The following PTPRK variants were observed in gnomAD, a reference collection of about 807,000 sequenced individuals.
PTPRK encodes the protein protein tyrosine phosphatase receptor type K.
PTPRK carries 75 observed loss-of-function variants against 178.0 expected under a neutral mutation model. That is an observed-to-expected ratio of 0.42 (90% CI 0.35 to 0.51). The LOEUF is 0.51. PTPRK is among the 20% of genes least tolerant of loss of function. The pLI is 0.02. For synonymous variants in PTPRK, 637 were observed against 620.6 expected (o/e 1.03, Z -0.39); for missense variants, 1,441 against 1,797.8 (o/e 0.80, Z 3.59).
chr6:128,185,879 G>C (rs1802673341), intron 6 of PTPRK, among the ~76,000 whole-genome samples: 1 of 152,014 alleles, frequency 6.6e-6, no homozygotes, highest in Non-Finnish European at 1.5e-5. Context: ...TGCAAATAAG[G>C]CCTGTAGACA....
chr6:128,435,106 A>AAGGAAGGAAGGAAGGC (rs1562515811), intron 1 of PTPRK, among the ~76,000 whole-genome samples: 1 of 64,618 alleles, frequency 1.5e-5, no homozygotes, highest in Non-Finnish European at 2.9e-5. Flanking sequence ...GGAAGGAAGG[A>AAGGAAGGAAGGAAGGC]AGGCAGGAAG....
chr6:127,968,912 T>G lies in PTPRK; in HGVS notation c.*1315A>C, dbSNP rs1320241306. 6.6e-6 allele frequency: 1 copy of G among 152,244 alleles called. No individual in the cohort carries two copies. The highest frequency in any genetic ancestry group is 1.5e-5 in the Non-Finnish European group (1 of 68,036). 9.4% of individuals were successfully genotyped at this position (152,244 alleles called of 1,614,324 possible). A position where few individuals can be genotyped will look rare whatever the true frequency, so the allele number is the denominator to read the frequency against. On this transcript the variant is annotated 3_prime_UTR_variant, in exon 30 of 30. Transcript: ENST00000368226. ...TCAATTACAAACTGCAAGCTGATGA[T>G]GTGAAGTTACAGCTACGTGGAGCAT...
intron 2 of PTPRK, among the ~76,000 whole-genome samples, chr6:128,339,696 G>A (rs915565260): frequency 6.6e-6 from 1 of 152,164 alleles, no homozygotes; most frequent in East Asian, 1.9e-4. Flanking sequence ...CTGTACCTAA[G>A]AAAATGAACA....
intron 2 of PTPRK, among the ~76,000 whole-genome samples, chr6:128,324,383 T>C (rs1233918673): frequency 1.3e-5 from 2 of 152,104 alleles, no homozygotes; most frequent in African/African-American, 2.4e-5. Context: ...TTATATAGCA[T>C]AATATTTACT....
chr6:128,154,727 A>G (rs955613841), intron 7 of PTPRK, among the ~76,000 whole-genome samples: 1 of 151,804 alleles, frequency 6.6e-6, no homozygotes, highest in African/African-American at 2.4e-5. Flanking sequence ...ATGATAACCC[A>G]ATTTCCAGCT....
At chr6:128,419,493 T>C (rs1189107336) in intron 1 of PTPRK, among the ~76,000 whole-genome samples, 1 of 151,754 alleles carries the variant, frequency 6.6e-6, no homozygotes, top group Non-Finnish European at 1.5e-5. Context: ...CGGGCACCTG[T>C]AGTCCCAGCT....
intron 7 of PTPRK, among the ~76,000 whole-genome samples, chr6:128,180,795 G>C (rs1467506817): frequency 6.6e-6 from 1 of 152,038 alleles, no homozygotes; most frequent in African/African-American, 2.4e-5. Flanking sequence ...TAGCCATGCA[G>C]ACTCTATTTT....
At chr6:128,384,715 A>G (rs1430654391) in intron 2 of PTPRK, among the ~76,000 whole-genome samples, 2 of 152,218 alleles carry the variant, frequency 1.3e-5, no homozygotes, top group Admixed American at 6.5e-5. Flanking sequence ...CATTGAATAC[A>G]AGGCAATCGT....
At chr6:128,011,149 T>C (rs1779007554) in intron 13 of PTPRK, among the ~76,000 whole-genome samples, 1 of 151,230 alleles carries the variant, frequency 6.6e-6, no homozygotes, top group South Asian at 2.1e-4. Context: ...TCAAATTACA[T>C]TGGTTTGCCA....
At chr6:128,433,753 A>C (rs1845145543) in intron 1 of PTPRK, among the ~76,000 whole-genome samples, 1 of 151,084 alleles carries the variant, frequency 6.6e-6, no homozygotes, top group Non-Finnish European at 1.5e-5. Context: ...CTGAGCTCAA[A>C]CAATCCTCCT....
At chr6:128,003,291 T>C in intron 15 of PTPRK, 1 of 1,414,510 alleles carries the variant, frequency 7.1e-7, no homozygotes, top group South Asian at 1.2e-5. Flanking sequence ...TTTTAAAATC[T>C]TTTTTCTTTA....
intron 13 of PTPRK, among the ~76,000 whole-genome samples, chr6:128,041,022 C>T (rs1777072943): frequency 6.6e-6 from 1 of 152,058 alleles, no homozygotes; most frequent in Admixed American, 6.6e-5. Context: ...CAATAAACTA[C>T]ACATGTGTTT....
At chr6:128,128,164 T>C (rs2114442459) in intron 7 of PTPRK, among the ~76,000 whole-genome samples, 1 of 152,332 alleles carries the variant, frequency 6.6e-6, no homozygotes, top group African/African-American at 2.4e-5. Context: ...AATTATATCT[T>C]TATAAAGTAT....
At chr6:128,357,135 T>C (rs1037653817) in intron 2 of PTPRK, among the ~76,000 whole-genome samples, 15 of 152,196 alleles carry the variant, frequency 9.9e-5, no homozygotes, top group African/African-American at 3.6e-4. Flanking sequence ...GGATCCATCC[T>C]TCCTGAACCA....
chr6:127,995,431 A>G (rs1361362520), intron 18 of PTPRK, 31 bp downstream of exon 18: 1 of 1,506,804 alleles, frequency 6.6e-7, no homozygotes, highest in Non-Finnish European at 9.2e-7. Context: ...AAGCCAATAA[A>G]GTAGACATAC....
rs146069254 is a variant in PTPRK at position 128,211,037 on chromosome 6, T to C, written c.868+7885A>G. Among the ~76,000 whole-genome samples, 3 of 152,276 alleles carry C rather than the reference T, an allele frequency of 2.0e-5. No homozygotes were observed. In the South Asian group the frequency reaches 6.2e-4, roughly 32 times the overall value. On this transcript the variant is annotated intron_variant, in intron 6 of 29. Transcript: ENST00000368226. ...AGAGCAAAAGAAAGTTATGTGCCTA[T>C]AACAAGGATAAATTATATCCTAAAG... is the stretch of plus-strand genomic sequence containing the variant.
At chr6:128,398,336 A>G (rs1004717328) in intron 1 of PTPRK, among the ~76,000 whole-genome samples, 9 of 152,202 alleles carry the variant, frequency 5.9e-5, no homozygotes, top group Non-Finnish European at 1.2e-4. Context: ...GGAAGTTTGC[A>G]AAGGGAGTAC....
rs748805957 is a variant in PTPRK, at chr6:128,089,658, C to T, written c.1465+32G>A. 5.8e-6 allele frequency: 9 copies of T among 1,542,360 alleles called. No homozygotes were observed. The South Asian group carries it at 1.0e-4, about 17-fold the overall frequency. The stretch of plus-strand genomic sequence containing the variant: ...ATCACATTTTTCTTGTTAGAGAATT[C>T]CCCCCTTTTAAACAGCAAAGTATGA... On this transcript the variant is annotated intron_variant, in intron 8 of 29. Coordinates refer to ENST00000368226, the MANE Select transcript of PTPRK (RefSeq NM_002844.4).
chr6:128,060,998 C>A (rs969966882), intron 13 of PTPRK, among the ~76,000 whole-genome samples: 4 of 152,100 alleles, frequency 2.6e-5, no homozygotes, highest in African/African-American at 9.7e-5. Context: ...AATTCAATTA[C>A]CAACTCAACA....
Sources: gnomAD v4.1 joint callset for allele counts (sites outside exome capture counted in the v4.1 genomes callset) on GRCh38, gnomAD v4.1.1 for gene constraint, MANE v1.5 for transcripts, NCBI Gene and HGNC (gene_info 2026-07-23, HGNC 2026-07-21) for gene names.